Variants in THOP1 observed in about 807,000 individuals in gnomAD.
The protein encoded by THOP1 is thimet oligopeptidase 1.
A neutral mutation model predicts 71.8 loss-of-function variants in THOP1; 49 were observed. The ratio of observed to expected loss-of-function variants is 0.68; its 90% CI spans 0.54 to 0.87. The LOEUF (loss-of-function observed/expected upper bound fraction) is 0.87. Among genes scored for constraint, THOP1 ranks in the 40% least tolerant of loss-of-function variants. The pLI is 0.00. For missense variants in THOP1, 843 were observed against 975.6 expected, an observed-to-expected ratio of 0.86 and a Z score of 1.81; for synonymous variants, 426 against 421.5, an observed-to-expected ratio of 1.01 and a Z score of -0.13.
Position 2,790,520 on chromosome 19 carries a change from A to G in THOP1, c.116A>G (p.Glu39Gly), listed in dbSNP as rs1915850409. 6.2e-7 allele frequency: 1 copy of G among 1,608,038 alleles called. No individual in the cohort carries two copies. Among genetic ancestry groups the G allele is most frequent in the Non-Finnish European group, 8.5e-7 (1 of 1,177,444 alleles). The part of the protein sequence containing the change: ...SAQQIEERTR[E>G]LIEQTKRVYD... ...CAGCAGATAGAGGAGCGCACCAGGG[A>G]GCTCATCGAGCAGACCAAGCGCGTG... is the stretch of plus-strand genomic sequence containing the variant. Residue 39 changes from glutamate (E) to glycine (G), a missense_variant, in exon 2 of 13, where the codon GAG becomes GGG. Transcript: ENST00000307741.
intron 3 of THOP1, among the ~76,000 whole-genome samples, chr19:2,795,720 A>G (rs1915997615): frequency 6.6e-6 from 1 of 152,184 alleles, no homozygotes. Flanking sequence ...CAGGTGCAGG[A>G]AAGAATCGAA....
Position 2,810,504 on chromosome 19 carries a change from G to T in THOP1, c.1642+14G>T. ...AGGCCAACACAGGTGCACCCGCCCC[G>T]TCCGGGGAAGGGTGCTAACCTCGGG... On this transcript the variant is annotated intron_variant, in intron 10 of 12. Coordinates refer to ENST00000307741, the MANE Select transcript of THOP1 (RefSeq NM_003249.5). The T allele has an allele frequency of 6.5e-7, 1 of 1,545,420 alleles. No individual in the cohort carries two copies.
chr19:2,795,582 T>C (rs1305393462), intron 3 of THOP1, among the ~76,000 whole-genome samples: 1 of 152,234 alleles, frequency 6.6e-6, no homozygotes, highest in Non-Finnish European at 1.5e-5. Context: ...TGGATTGTTA[T>C]TTCTTTTTAT....
intron 12 of THOP1, among the ~76,000 whole-genome samples, chr19:2,812,690 G>A (rs1222421217): frequency 2.6e-5 from 4 of 152,206 alleles, no homozygotes; most frequent in East Asian, 1.9e-4. Context: ...GGCTGGCACC[G>A]GCGCCTCGCA....
rs373946615 is a variant in THOP1, at chr19:2,807,739, G to A, written c.1184G>A (p.Arg395Gln). 2.3e-5 allele frequency: 36 copies of A among 1,580,226 alleles called. No individual in the cohort carries two copies. Among genetic ancestry groups the A allele is most frequent in the Admixed American group, 5.3e-5 (3 of 57,112 alleles). Reference sequence around the variant, plus strand: ...GCCAGTGCCTGGCATGAGGACGTGCGGCTCTACACCGCGAGGGACGCGGCC... The same window carrying A: ...GCCAGTGCCTGGCATGAGGACGTGCAGCTCTACACCGCGAGGGACGCGGCC... The part of the protein sequence containing the change: ...EGASAWHEDV[R>Q]LYTARDAASG... The change falls in exon 8 of 13, where the codon CGG (arginine) becomes CAG (glutamine). Residue 395 changes from arginine (R) to glutamine (Q), a missense_variant. Arg to Gln is a conservative substitution (Grantham distance 43). Coordinates refer to ENST00000307741, the MANE Select transcript of THOP1 (RefSeq NM_003249.5).
At chr19:2,786,484 T>G (rs1915745646) in intron 1 of THOP1, among the ~76,000 whole-genome samples, 1 of 151,984 alleles carries the variant, frequency 6.6e-6, no homozygotes, top group South Asian at 2.1e-4. Flanking sequence ...GCAATCCACC[T>G]GCCTCGGCCT....
chr19:2,807,778 T>C lies in THOP1; in HGVS notation c.1223T>C (p.Val408Ala), dbSNP rs1296901958. 1 of 1,530,628 alleles carries C rather than the reference T, an allele frequency of 6.5e-7. No individual in the cohort carries two copies. The highest frequency in any genetic ancestry group is 1.4e-5 in the African/African-American group (1 of 72,852). The allele number at this position is 1,530,628 out of a possible 1,614,324, so 94.8% of individuals were successfully genotyped here. A position where few individuals can be genotyped will look rare whatever the true frequency, so the allele number is the denominator to read the frequency against. The change falls in exon 8 of 13, where the codon GTC becomes GCC. Residue 408 changes from valine to alanine, a missense_variant. By Grantham distance (64) the Val-to-Ala change is moderately conservative. Transcript: ENST00000307741. ...TARDAASGEV[V>A]GKFYLDLYPR... ...AGGGACGCGGCCTCGGGGGAGGTGG[T>C]CGGCAAGTTCTACCTGGACCTGTAC...
intron 9 of THOP1, 23 bp downstream of exon 9, chr19:2,808,467 G>A: frequency 6.6e-7 from 1 of 1,525,880 alleles, no homozygotes; most frequent in Non-Finnish European, 8.8e-7. Flanking sequence ...CCGGGCAGGG[G>A]CAGGGGCAGG....
At chr19:2,797,116 C>G (rs377476802) in intron 4 of THOP1, among the ~76,000 whole-genome samples, 16 of 152,248 alleles carry the variant, frequency 1.1e-4, no homozygotes, top group African/African-American at 3.9e-4. Flanking sequence ...TCGCTGGGGT[C>G]CCTTGTGAAG....
intron 12 of THOP1, among the ~76,000 whole-genome samples, 181 bp from the exon 13 acceptor site, chr19:2,812,934 A>G (rs1916517600): frequency 6.6e-6 from 1 of 152,044 alleles, no homozygotes. Context: ...CCGCTCTGAG[A>G]TTCTGATGAA....
intron 9 of THOP1, chr19:2,809,435 G>C (rs748866301): frequency 6.6e-6 from 1 of 152,268 alleles, no homozygotes; most frequent in Non-Finnish European, 1.5e-5. Flanking sequence ...AGAAAAGGAC[G>C]CTTGCTCATA....
intron 2 of THOP1, among the ~76,000 whole-genome samples, chr19:2,792,635 T>C (rs1002783180): frequency 6.6e-6 from 1 of 151,924 alleles, no homozygotes; most frequent in East Asian, 1.9e-4. Context: ...AAAAAATTAT[T>C]ATTATTAGGG....
chr19:2,795,917 T>G, intron 3 of THOP1, 164 bp from the exon 4 acceptor site: 1 of 572,316 alleles, frequency 1.7e-6, no homozygotes, highest in Non-Finnish European at 3.2e-6. Context: ...TTTGCACAGG[T>G]TTTATGTAGA....
At position 2,805,491 on chromosome 19, in the gene THOP1, C is replaced by T. The variant is rs1916267832; in HGVS notation, c.750+315C>T. On this transcript the variant is annotated intron_variant, in intron 6 of 12. Coordinates refer to ENST00000307741, the MANE Select transcript of THOP1 (RefSeq NM_003249.5). The surrounding 1 kb of genome is among the most constrained non-coding windows in gnomAD (Gnocchi z 6.6). ...CCCTCCCTTATCTGGAGCCGCCCCT[C>T]AGGTGTGTCAGCCCAGATCATTCCT... Among the ~76,000 whole-genome samples the T allele has an allele frequency of 6.6e-6, 1 of 152,218 alleles. No individual in the cohort carries two copies. Among genetic ancestry groups the T allele is most frequent in the Non-Finnish European group, 1.5e-5 (1 of 68,038 alleles).
intron 5 of THOP1, among the ~76,000 whole-genome samples, chr19:2,800,624 C>T (rs558233895): frequency 2.0e-5 from 3 of 152,334 alleles, no homozygotes; most frequent in African/African-American, 7.2e-5. Context: ...GTCACCTGGG[C>T]GTATGTTTCC....
chr19:2,807,136 G>T lies in THOP1; in HGVS notation c.886+84G>T, dbSNP rs576867006. 909 of 1,464,336 alleles carry T rather than the reference G, an allele frequency of 6.2e-4. 8 individuals are homozygous for T. In the African/African-American group the frequency reaches 0.012, roughly 20 times the overall value. 90.7% of individuals were successfully genotyped at this position (1,464,336 alleles called of 1,614,324 possible). On this transcript the variant is annotated intron_variant, in intron 7 of 12. Coordinates refer to ENST00000307741, the MANE Select transcript of THOP1 (RefSeq NM_003249.5). ...CAGGGGACAGTCGGTGCTACCCCTA[G>T]AGCCTTGTCCTTTCCCTCCATGAAG... is the stretch of plus-strand genomic sequence containing the variant.
At chr19:2,786,670 A>G (rs1202946345) in intron 1 of THOP1, among the ~76,000 whole-genome samples, 1 of 151,720 alleles carries the variant, frequency 6.6e-6, no homozygotes, top group Non-Finnish European at 1.5e-5. Flanking sequence ...CTGCTCACAC[A>G]GGCTCACCGC....
At chr19:2,806,040 T>G (rs1278047829) in intron 6 of THOP1, 1 of 152,224 alleles carries the variant, frequency 6.6e-6, no homozygotes, top group Non-Finnish European at 1.5e-5. Flanking sequence ...CACCGATCAC[T>G]GCAAGGCAGG....
chr19:2,799,724 G>A lies in THOP1; in HGVS notation c.522G>A (p.Leu174=). 1 of 1,613,986 alleles carries A rather than the reference G, an allele frequency of 6.2e-7. No homozygotes were observed. Among genetic ancestry groups the A allele is most frequent in the Non-Finnish European group, 8.5e-7 (1 of 1,179,986 alleles). ...GCATCAAGAAGAAGCTGAGCCTTCT[G>A]TGCATCGACTTCAACAAGAACCTGA... ...IKRIKKKLSL[L]CIDFNKNLNE... Residue 174 remains leucine (L), a synonymous_variant, in exon 5 of 13, where the codon CTG becomes CTA. Coordinates refer to ENST00000307741, the MANE Select transcript of THOP1 (RefSeq NM_003249.5).
Sources: allele counts gnomAD v4.1 joint callset (sites outside exome capture counted in the v4.1 genomes callset), GRCh38; gene constraint gnomAD v4.1.1; non-coding constraint Gnocchi (gnomAD v3.1); transcripts MANE v1.5; gene names NCBI Gene and HGNC (gene_info 2026-07-23, HGNC 2026-07-21).